ERBB2: variants seen among roughly 807,000 people sequenced by gnomAD.
The protein encoded by ERBB2 is receptor tyrosine-protein kinase erbB-2.
A neutral mutation model predicts 149.0 loss-of-function variants in ERBB2; 61 were observed. The ratio of observed to expected loss-of-function variants is 0.41; its 90% CI spans 0.33 to 0.51. The LOEUF is 0.51. Ranked by LOEUF, ERBB2 falls within the 20% of genes least tolerant of loss-of-function variation. The pLI is 0.25. For missense variants in ERBB2, 1,205 were observed against 1,655.1 expected (o/e 0.73, Z 4.72); for synonymous variants, 633 against 678.8 (o/e 0.93, Z 1.05).
intron 1 of ERBB2, among the ~76,000 whole-genome samples, chr17:39,701,402 C>G: frequency 6.6e-6 from 1 of 152,058 alleles, no homozygotes; most frequent in African/African-American, 2.4e-5. Context: ...AGTGCGACCC[C>G]CAACCATGCA....
chr17:39,710,672 T>C (rs1034607379), intron 7 of ERBB2, among the ~76,000 whole-genome samples, 191 bp downstream of exon 7: 2 of 152,188 alleles, frequency 1.3e-5, no homozygotes, highest in East Asian at 3.8e-4. Context: ...GAGCCCAGAC[T>C]TGGGAGCCAG....
Position 39,723,590 on chromosome 17 carries a change from G to A in ERBB2, c.2138G>A (p.Arg713Gln), listed in dbSNP as rs779034594. Reference protein sequence around the residue: ...SGAMPNQAQMRILKETELRKV... With the variant: ...SGAMPNQAQMQILKETELRKV... ...GCGATGCCCAACCAGGCGCAGATGC[G>A]GATCCTGAAAGAGACGGAGCTGAGG... The change falls in exon 18 of 27, where the codon CGG becomes CAG. Residue 713 changes from arginine to glutamine, a missense_variant. Arg to Gln is a conservative substitution (Grantham distance 43). This residue lies in a region of ERBB2 where 152 missense variants were observed against 318.1 expected (regional missense o/e 0.48). Coordinates refer to ENST00000269571, the MANE Select transcript of ERBB2 (RefSeq NM_004448.4). This position sits in a 1 kb window ranked among gnomAD's most constrained non-coding sequence, Gnocchi z 6.2. 6.2e-7 allele frequency: 1 copy of A among 1,609,128 alleles called. No individual in the cohort carries two copies. The highest frequency in any genetic ancestry group is 8.5e-7 in the Non-Finnish European group (1 of 1,177,714).
chr17:39,702,293 C>T (rs1056619366), intron 1 of ERBB2, among the ~76,000 whole-genome samples: 3 of 151,970 alleles, frequency 2.0e-5, no homozygotes, highest in Non-Finnish European at 2.9e-5. Flanking sequence ...TGTGAGACTC[C>T]GTTTCAGAAA....
chr17:39,717,277 G>T (rs767128356), intron 14 of ERBB2, 43 bp from the exon 15 acceptor site: 1 of 1,535,748 alleles, frequency 6.5e-7, no homozygotes, highest in Non-Finnish European at 8.9e-7. Flanking sequence ...TGCCCTGGGG[G>T]TGTCAGTGCC....
intron 4 of ERBB2, 110 bp from the exon 5 acceptor site, chr17:39,709,703 G>C: frequency 8.9e-7 from 1 of 1,118,724 alleles, no homozygotes; most frequent in Non-Finnish European, 1.3e-6. Context: ...CTCCCTTGCT[G>C]TGCAGTTGGC....
At position 39,725,037 on chromosome 17, in the gene ERBB2, T is replaced by C. The variant is rs2145861523; in HGVS notation, c.2494-12T>C. ...CCTCCCAGAAGGTCTACATGGGTGC[T>C]TCCCATTCCAGGGGATGAGCTACCT... On this transcript the variant is annotated splice_polypyrimidine_tract_variant and intron_variant, in intron 20 of 26. Coordinates refer to ENST00000269571, the MANE Select transcript of ERBB2 (RefSeq NM_004448.4). This position sits in a 1 kb window ranked among gnomAD's most constrained non-coding sequence, Gnocchi z 4.6. 1 of 1,614,118 alleles carries C rather than the reference T, an allele frequency of 6.2e-7. No homozygotes were observed. The highest frequency in any genetic ancestry group is 8.5e-7 in the Non-Finnish European group (1 of 1,180,004).
Position 39,727,151 on chromosome 17 carries a change from C to T in ERBB2, c.3160-144C>T, listed in dbSNP as rs2059814770. On this transcript the variant is annotated intron_variant, in intron 25 of 26. Transcript: ENST00000269571. The surrounding 1 kb of genome is among the most constrained non-coding windows in gnomAD (Gnocchi z 4.3). ...AAAAAATTCTTACTGCCTTCCAACC[C>T]CTGTGACCCCATTCTCTCCACGGTG... 1 of 1,239,758 alleles carries T rather than the reference C, an allele frequency of 8.1e-7. No individual in the cohort carries two copies. The allele number at this position is 1,239,758 out of a possible 1,614,324, so 76.8% of individuals were successfully genotyped here.
exon 1 of ERBB2, chr17:39,688,158 G>T: frequency 1.3e-6 from 1 of 769,540 alleles, no homozygotes; most frequent in Non-Finnish European, 1.8e-6. Context: ...ATTTTTGTGG[G>T]CGCCTGCCCC....
chr17:39,710,547 CA>C, intron 7 of ERBB2, 66 bp downstream of exon 7: 3 of 1,561,718 alleles, frequency 1.9e-6, no homozygotes, highest in Non-Finnish European at 1.8e-6. Flanking sequence ...TAAATGGGAG[CA>C]TATGGGGAGC....
chr17:39,694,921 A>ACT (rs990672948), upstream of ERBB2: 1 of 152,372 alleles, frequency 6.6e-6, no homozygotes, highest in African/African-American at 2.4e-5. Context: ...TGAAGGGGTC[A>ACT]CTGTCCCTAT....
At chr17:39,717,268 G>A in intron 14 of ERBB2, 52 bp from the exon 15 acceptor site, 4 of 1,505,994 alleles carry the variant, frequency 2.7e-6, no homozygotes, top group Non-Finnish European at 3.6e-6. Context: ...TGATCCTACT[G>A]CCCTGGGGGT....
rs773855470 is a variant in ERBB2, at chr17:39,700,227, G to T, written c.-12G>T. 37 of 1,440,996 alleles carry T rather than the reference G, an allele frequency of 2.6e-5. No homozygotes were observed. Among genetic ancestry groups the T allele is most frequent in the Non-Finnish European group, 3.1e-5 (34 of 1,101,408 alleles). The allele number at this position is 1,440,996 out of a possible 1,614,324, so 89.3% of individuals were successfully genotyped here. A position where few individuals can be genotyped will look rare whatever the true frequency, so the allele number is the denominator to read the frequency against. ...CAGCCGGAGCCATGGGGCCGGAGCC[G>T]CAGTGAGCACCATGGAGCTGGCGGC... On this transcript the variant is annotated 5_prime_UTR_variant, in exon 1 of 27. Transcript: ENST00000269571.
At chr17:39,706,442 T>G (rs779344410) in intron 1 of ERBB2, among the ~76,000 whole-genome samples, 2 of 152,144 alleles carry the variant, frequency 1.3e-5, no homozygotes, top group African/African-American at 4.8e-5. Context: ...GTCCCATGCC[T>G]CAGCTGCAAC....
Position 39,726,103 on chromosome 17 carries a change from G to T in ERBB2, c.2872+250G>T. 2.0e-6 allele frequency: 1 copy of T among 490,420 alleles called. No individual in the cohort carries two copies. The highest frequency in any genetic ancestry group is 3.8e-5 in the East Asian group (1 of 26,596). The allele number at this position is 490,420 out of a possible 1,614,324, so 30.4% of individuals were successfully genotyped here. On this transcript the variant is annotated intron_variant, in intron 23 of 26. Coordinates refer to ENST00000269571, the MANE Select transcript of ERBB2 (RefSeq NM_004448.4). The surrounding 1 kb of genome is among the most constrained non-coding windows in gnomAD (Gnocchi z 5.1). ...AATCCCAGTACTTTTGGAGGCTGAG[G>T]TGGGAGGATCCCTTGAAGCCAGGAG...
upstream of ERBB2, among the ~76,000 whole-genome samples, chr17:39,698,544 C>T (rs1015244474): frequency 6.6e-6 from 1 of 152,162 alleles, no homozygotes; most frequent in Non-Finnish European, 1.5e-5. Flanking sequence ...CAGGTGTGAG[C>T]CACCGCGACT....
chr17:39,709,275 G>A (rs2145466895), intron 3 of ERBB2, 43 bp from the exon 4 acceptor site: 1 of 1,610,412 alleles, frequency 6.2e-7, no homozygotes, highest in Middle Eastern at 1.7e-4. Context: ...AGCAGAAGGT[G>A]ACAGAAGGGG....
intron 1 of ERBB2, among the ~76,000 whole-genome samples, chr17:39,706,162 T>C (rs972402840): frequency 6.6e-6 from 1 of 152,166 alleles, no homozygotes; most frequent in African/African-American, 2.4e-5. Flanking sequence ...CTATGCCCCA[T>C]GGCTGATGGC....
intron 3 of ERBB2, among the ~76,000 whole-genome samples, chr17:39,708,970 A>G (rs2058632055): frequency 6.6e-6 from 1 of 152,180 alleles, no homozygotes. Context: ...TATAAGGGCC[A>G]AAAGTTACAC....
intron 1 of ERBB2, among the ~76,000 whole-genome samples, chr17:39,706,373 G>A (rs1017113136): frequency 2.0e-5 from 3 of 152,158 alleles, no homozygotes; most frequent in African/African-American, 7.2e-5. Flanking sequence ...GGAATCTGAC[G>A]CTCCTTTTCT....
Sources: allele counts gnomAD v4.1 joint callset (sites outside exome capture counted in the v4.1 genomes callset), GRCh38; gene constraint gnomAD v4.1.1; regional missense constraint gnomAD v4.1.1; non-coding constraint Gnocchi (gnomAD v3.1); transcripts MANE v1.5; gene names NCBI Gene and HGNC (gene_info 2026-07-23, HGNC 2026-07-21).